SLC22A15: variants seen among roughly 807,000 people sequenced by gnomAD.
The protein encoded by SLC22A15 is flipt 1.
Under a neutral mutation model 62.7 loss-of-function variants are expected in SLC22A15, and 45 were observed. That is an observed-to-expected ratio of 0.72 (90% CI 0.56 to 0.92). The LOEUF is 0.92. Ranked by LOEUF, SLC22A15 falls within the 40% of genes least tolerant of loss-of-function variation. The pLI, the probability that SLC22A15 is intolerant of heterozygous loss-of-function variation, is 0.00. For synonymous variants in SLC22A15, 264 were observed against 267.0 expected (o/e 0.99, Z 0.11); for missense variants, 622 against 665.6 (o/e 0.93, Z 0.72).
intron 10 of SLC22A15, among the ~76,000 whole-genome samples, chr1:116,065,888 G>T (rs1464970858): frequency 6.6e-6 from 1 of 152,168 alleles, no homozygotes; most frequent in Non-Finnish European, 1.5e-5. Context: ...TCTTTGTGAT[G>T]AAATGTTTCC....
rs200814494 is a variant in SLC22A15 at position 115,976,624 on chromosome 1, C to A, written c.-4C>A. On this transcript the variant is annotated 5_prime_UTR_variant, in exon 1 of 12. Coordinates refer to ENST00000369503, the MANE Select transcript of SLC22A15 (RefSeq NM_018420.3). ...GGTGGCGGGGTTCCTGCGCGCGGCC[C>A]GCCATGGAGGTGGAGGAGGCGTTCC... 37 of 1,572,304 alleles carry A rather than the reference C, an allele frequency of 2.4e-5. No homozygotes were observed. The highest frequency in any genetic ancestry group is 3.0e-5 in the Non-Finnish European group (35 of 1,163,534).
At position 115,992,033 on chromosome 1, in the gene SLC22A15, C is replaced by T; in HGVS notation, c.90C>T (p.Leu30=). 6.2e-7 allele frequency: 1 copy of T among 1,613,112 alleles called. No individual in the cohort carries two copies. The highest frequency in any genetic ancestry group is 8.5e-7 in the Non-Finnish European group (1 of 1,179,790). The part of the protein sequence containing the change: ...LCFLLAVLLQ[L]YVATEAILIA... ...GTTCTGTGTGTTTGCTCTTTCAGCTCTACGTGGCCACGGAGGCCATCCTCA... is the reference window on the plus strand; with the variant it reads ...GTTCTGTGTGTTTGCTCTTTCAGCTTTACGTGGCCACGGAGGCCATCCTCA... The change falls in exon 2 of 12, where the codon CTC becomes CTT. Residue 30 remains leucine (L), a splice_region_variant and synonymous_variant. Transcript: ENST00000369503.
intron 11 of SLC22A15, 81 bp downstream of exon 11, chr1:116,066,789 G>C (rs976891582): frequency 4.4e-6 from 6 of 1,358,102 alleles, no homozygotes; most frequent in Non-Finnish European, 6.0e-6. Context: ...AAATTAAATA[G>C]AACTGAGTAA....
intron 8 of SLC22A15, among the ~76,000 whole-genome samples, chr1:116,042,606 A>G (rs764094024): frequency 6.6e-6 from 1 of 152,240 alleles, no homozygotes; most frequent in Admixed American, 6.5e-5. Flanking sequence ...GATAAAAACT[A>G]TAAACACATA....
intron 1 of SLC22A15, among the ~76,000 whole-genome samples, chr1:115,982,930 A>G (rs1486676099): frequency 2.6e-5 from 4 of 152,184 alleles, no homozygotes; most frequent in Admixed American, 2.0e-4. Context: ...TTTTGATTCT[A>G]TGTAATCCAT....
intron 1 of SLC22A15, 33 bp from the exon 2 acceptor site, chr1:115,991,998 G>A (rs780186584): frequency 6.3e-7 from 1 of 1,578,402 alleles, no homozygotes. Context: ...GCAAATATCT[G>A]CAGTGTTTGG....
chr1:116,005,787 G>T (rs1313796295), intron 2 of SLC22A15, among the ~76,000 whole-genome samples: 1 of 152,108 alleles, frequency 6.6e-6, no homozygotes, highest in African/African-American at 2.4e-5. Flanking sequence ...AACCCTGTAG[G>T]TAGAGTACCT....
At position 116,067,028 on chromosome 1, in the gene SLC22A15, A is replaced by G. The variant is rs556921661; in HGVS notation, c.1564A>G (p.Lys522Glu). ...QALDPQQCVD[K>E]ESSLGSESEE... ...TTCTTTCCTGTTTCAGTGTGTGGAC[A>G]AGGAGAGCTCTTTAGGGAGTGAGAG... Residue 522 changes from lysine (K) to glutamate (E), a missense_variant, in exon 12 of 12, where the codon AAG becomes GAG. Lys to Glu is a moderately conservative substitution (Grantham distance 56, BLOSUM62 1). Transcript: ENST00000369503. The G allele has an allele frequency of 5.0e-6, 8 of 1,611,534 alleles. No individual in the cohort carries two copies. Among genetic ancestry groups the G allele is most frequent in the Non-Finnish European group, 6.8e-6 (8 of 1,178,660 alleles).
At chr1:116,031,996 A>G (rs1657428867) in intron 6 of SLC22A15, 17 of 1,055,564 alleles carry the variant, frequency 1.6e-5, no homozygotes, top group Non-Finnish European at 1.8e-5. Flanking sequence ...TTGCTAGCAC[A>G]TTCTGATTGC....
chr1:115,984,332 T>A lies in SLC22A15; in HGVS notation c.87+7618T>A, dbSNP rs999446299. 2.0e-5 allele frequency among the ~76,000 whole-genome samples: 3 copies of A among 152,224 alleles called. No homozygotes were observed. The East Asian group carries it at 5.8e-4, about 29-fold the overall frequency. On this transcript the variant is annotated intron_variant, in intron 1 of 11. Coordinates refer to ENST00000369503, the MANE Select transcript of SLC22A15 (RefSeq NM_018420.3). The stretch of plus-strand genomic sequence containing the variant: ...GCAGCCTTTACTACCTGCTCAAGTA[T>A]CATATTAACAACCTTTTCCTGATTC...
At chr1:116,008,564 G>A (rs574541269) in intron 2 of SLC22A15, among the ~76,000 whole-genome samples, 2 of 152,254 alleles carry the variant, frequency 1.3e-5, no homozygotes, top group South Asian at 4.2e-4. Context: ...GCCTCTCTGG[G>A]CCCAATAATT....
chr1:116,011,754 A>C (rs1656268682), intron 2 of SLC22A15, among the ~76,000 whole-genome samples: 1 of 152,032 alleles, frequency 6.6e-6, no homozygotes, highest in African/African-American at 2.4e-5. Flanking sequence ...TGTGTCATGG[A>C]GAATGAATAG....
chr1:115,991,394 G>T (rs1655133854), intron 1 of SLC22A15, among the ~76,000 whole-genome samples: 1 of 152,132 alleles, frequency 6.6e-6, no homozygotes, highest in South Asian at 2.1e-4. Flanking sequence ...ACCAAGACTA[G>T]GTACAACTCA....
chr1:116,052,709 C>G (rs2101538142), intron 8 of SLC22A15, among the ~76,000 whole-genome samples: 1 of 152,322 alleles, frequency 6.6e-6, no homozygotes, highest in East Asian at 1.9e-4. Flanking sequence ...TGAGACAAAA[C>G]TTCCAGAGGA....
chr1:116,004,564 A>G (rs969560949), intron 2 of SLC22A15, among the ~76,000 whole-genome samples: 6 of 152,112 alleles, frequency 3.9e-5, no homozygotes, highest in Non-Finnish European at 8.8e-5. Flanking sequence ...CTTTTTATAT[A>G]TTACTGATTT....
intron 8 of SLC22A15, among the ~76,000 whole-genome samples, chr1:116,050,182 C>A (rs1023607544): frequency 6.6e-6 from 1 of 152,078 alleles, no homozygotes; most frequent in African/African-American, 2.4e-5. Flanking sequence ...CAAACTGATA[C>A]CAATCCTTTT....
chr1:116,022,171 TCAAA>T (rs1656868842), intron 4 of SLC22A15, among the ~76,000 whole-genome samples: 1 of 152,200 alleles, frequency 6.6e-6, no homozygotes, highest in Non-Finnish European at 1.5e-5. Flanking sequence ...CCTGCTGGTC[TCAAA>T]CAGTGTTGCC....
At chr1:116,011,916 C>G (rs149352513) in intron 2 of SLC22A15, among the ~76,000 whole-genome samples, 1 of 152,064 alleles carries the variant, frequency 6.6e-6, no homozygotes, top group Non-Finnish European at 1.5e-5. Flanking sequence ...ATACCCTTAC[C>G]TAGACTTCTG....
intron 4 of SLC22A15, among the ~76,000 whole-genome samples, chr1:116,023,176 A>G (rs1027872309): frequency 6.6e-6 from 1 of 152,248 alleles, no homozygotes; most frequent in Non-Finnish European, 1.5e-5. Context: ...TGTAAAAAAC[A>G]ATATGTAAAC....
Sources: gnomAD v4.1 joint callset for allele counts (sites outside exome capture counted in the v4.1 genomes callset) on GRCh38, gnomAD v4.1.1 for gene constraint, MANE v1.5 for transcripts, NCBI Gene and HGNC (gene_info 2026-07-23, HGNC 2026-07-21) for gene names.